Variants in IREB2 observed in about 807,000 individuals in gnomAD.
IREB2 encodes the protein iron responsive element binding protein 2.
IREB2 carries 39 observed loss-of-function variants against 118.8 expected under a neutral mutation model. The ratio of observed to expected loss-of-function variants is 0.33; its 90% confidence interval spans 0.25 to 0.43. The LOEUF is 0.43. IREB2 is among the 20% of genes least tolerant of loss of function. The probability of loss-of-function intolerance (pLI) is 1.00; values close to 1 mark genes in which losing one functional copy is unlikely to be tolerated. For missense variants in IREB2, 900 were observed against 1,147.3 expected (o/e 0.78, Z 3.11); for synonymous variants, 372 against 392.2 (o/e 0.95, Z 0.61).
chr15:78,482,264 G>A (rs999594644), intron 10 of IREB2, among the ~76,000 whole-genome samples: 1 of 151,620 alleles, frequency 6.6e-6, no homozygotes, highest in African/African-American at 2.4e-5. Flanking sequence ...TAAATACAGT[G>A]TAAGTAGTTG....
In IREB2 at chr15:78,438,318, G is replaced by A; in HGVS notation, c.-20G>A. 1.3e-6 allele frequency: 2 copies of A among 1,584,706 alleles called. No homozygotes were observed. Among genetic ancestry groups the A allele is most frequent in the Non-Finnish European group, 8.6e-7 (1 of 1,165,702 alleles). On this transcript the variant is annotated 5_prime_UTR_variant, in exon 1 of 22. Transcript: ENST00000258886. ...TCCCCCGCTGGCCCCCTCCCCGGAG[G>A]GATAATATGGTCTCCGGCGATGGAC...
intron 2 of IREB2, among the ~76,000 whole-genome samples, chr15:78,461,356 A>G (rs967390458): frequency 2.0e-5 from 3 of 152,142 alleles, no homozygotes; most frequent in Non-Finnish European, 2.9e-5. Flanking sequence ...ATATGGAGAC[A>G]CTAGTAAAGA....
chr15:78,497,501 A>G (rs1261240480), intron 21 of IREB2, among the ~76,000 whole-genome samples, 190 bp downstream of exon 21: 1 of 152,188 alleles, frequency 6.6e-6, no homozygotes, highest in Non-Finnish European at 1.5e-5. Flanking sequence ...AAAAGTGGAA[A>G]GAACTGGGTG....
intron 20 of IREB2, 142 bp from the exon 21 acceptor site, chr15:78,496,984 C>A (rs1254803941): frequency 1.6e-6 from 1 of 631,996 alleles, no homozygotes; most frequent in East Asian, 2.8e-5. Context: ...TCTGTAAATA[C>A]TTTGATAAAA....
chr15:78,469,933 A>G (rs1431385916), intron 5 of IREB2, among the ~76,000 whole-genome samples: 2 of 152,220 alleles, frequency 1.3e-5, no homozygotes, highest in Non-Finnish European at 2.9e-5. Context: ...ATACTATGTT[A>G]CTGGTTAGAG....
At chr15:78,458,751 C>T (rs1399567695) in intron 2 of IREB2, among the ~76,000 whole-genome samples, 3 of 152,286 alleles carry the variant, frequency 2.0e-5, no homozygotes, top group Non-Finnish European at 2.9e-5. Context: ...AGAGCAGATA[C>T]CACGTCTCAT....
chr15:78,478,521 G>A (rs2051513526), intron 10 of IREB2, 124 bp downstream of exon 10: 2 of 576,236 alleles, frequency 3.5e-6, no homozygotes, highest in Non-Finnish European at 6.2e-6. Context: ...TGGGCAATAT[G>A]GTAAAACCCT....
At chr15:78,497,084 T>C in intron 20 of IREB2, 42 bp from the exon 21 acceptor site, 1 of 1,528,646 alleles carries the variant, frequency 6.5e-7, no homozygotes, top group Non-Finnish European at 9.0e-7. Flanking sequence ...ATAAATAACT[T>C]TCAGAAGTGA....
At chr15:78,456,284 G>C (rs948490296) in intron 2 of IREB2, among the ~76,000 whole-genome samples, 2 of 152,078 alleles carry the variant, frequency 1.3e-5, no homozygotes, top group South Asian at 4.1e-4. Context: ...ATCTTCCCTG[G>C]CAGTAGGTCT....
At chr15:78,463,347 G>A (rs1428508907) in intron 3 of IREB2, among the ~76,000 whole-genome samples, 1 of 152,052 alleles carries the variant, frequency 6.6e-6, no homozygotes, top group Non-Finnish European at 1.5e-5. Flanking sequence ...AGGCTGAGGT[G>A]GGAGGATTAC....
intron 18 of IREB2, among the ~76,000 whole-genome samples, chr15:78,493,218 A>G (rs2051780875): frequency 6.6e-6 from 1 of 152,112 alleles, no homozygotes; most frequent in African/African-American, 2.4e-5. Context: ...GAGCACAAGC[A>G]GGAGGAAGGA....
At chr15:78,459,480 G>C (rs1201602229) in intron 2 of IREB2, among the ~76,000 whole-genome samples, 4 of 152,114 alleles carry the variant, frequency 2.6e-5, no homozygotes, top group Non-Finnish European at 5.9e-5. Context: ...CTCCTGAATA[G>C]CTTGGATTAC....
chr15:78,481,806 C>T (rs764907573), intron 10 of IREB2: 3 of 152,050 alleles, frequency 2.0e-5, no homozygotes, highest in Non-Finnish European at 4.4e-5. Flanking sequence ...GGCCCAAGAC[C>T]CTGTCTCTTA....
chr15:78,479,622 A>G (rs1324134487), intron 10 of IREB2, among the ~76,000 whole-genome samples: 1 of 152,176 alleles, frequency 6.6e-6, no homozygotes, highest in Non-Finnish European at 1.5e-5. Context: ...TGATAAGAGT[A>G]ATATCTCCCT....
At chr15:78,473,588 T>C in intron 8 of IREB2, 2 of 530,608 alleles carry the variant, frequency 3.8e-6, no homozygotes, top group Non-Finnish European at 6.7e-6. Flanking sequence ...TGTGTTCACT[T>C]ATGTTAGCTC....
chr15:78,471,245 G>A (rs2051372332), intron 6 of IREB2, among the ~76,000 whole-genome samples: 1 of 152,200 alleles, frequency 6.6e-6, no homozygotes, highest in South Asian at 2.1e-4. Flanking sequence ...TTGGCCTCAA[G>A]CCATCTGCCT....
intron 10 of IREB2, chr15:78,480,049 A>G (rs565337691): frequency 3.9e-5 from 6 of 152,190 alleles, no homozygotes; most frequent in Admixed American, 3.3e-4. Context: ...ATGGTTTTAC[A>G]GTTTTGGTTA....
intron 13 of IREB2, among the ~76,000 whole-genome samples, chr15:78,486,181 G>A (rs2051656436): frequency 6.6e-6 from 1 of 152,000 alleles, no homozygotes; most frequent in South Asian, 2.1e-4. Flanking sequence ...AGTTGTGTAG[G>A]TCAGTTCAAA....
At chr15:78,488,815 G>A (rs1474113593) in intron 16 of IREB2, 44 bp downstream of exon 16, 1 of 1,194,014 alleles carries the variant, frequency 8.4e-7, no homozygotes, top group Non-Finnish European at 1.2e-6. Flanking sequence ...TCAATTTGCA[G>A]TGTTCTTTTA....
Sources: allele counts gnomAD v4.1 joint callset (sites outside exome capture counted in the v4.1 genomes callset), GRCh38; gene constraint gnomAD v4.1.1; transcripts MANE v1.5; gene names NCBI Gene and HGNC (gene_info 2026-07-23, HGNC 2026-07-21).